PTPRD: variants seen among roughly 807,000 people sequenced by gnomAD.
PTPRD encodes protein tyrosine phosphatase receptor type D, also known as receptor-type tyrosine-protein phosphatase delta.
PTPRD carries 34 observed loss-of-function variants against 214.5 expected under a neutral mutation model. The ratio of observed to expected loss-of-function variants is 0.16; its 90% CI spans 0.12 to 0.21. The LOEUF (loss-of-function observed/expected upper bound fraction) is 0.21. Ranked by LOEUF, PTPRD falls within the 10% of genes least tolerant of loss-of-function variation. The pLI is 1.00. For missense variants in PTPRD, 2,545 were observed against 2,398.7 expected (o/e 1.06, Z -1.27); for synonymous variants, 1,128 against 845.7 (o/e 1.33, Z -5.79).
intron 9 of PTPRD, among the ~76,000 whole-genome samples, chr9:9,238,869 C>T (rs1044560870): frequency 1.3e-5 from 2 of 152,104 alleles, no homozygotes; most frequent in African/African-American, 4.8e-5. Flanking sequence ...TGATATTCAG[C>T]CCCTTATTTT....
intron 9 of PTPRD, among the ~76,000 whole-genome samples, chr9:9,329,426 G>C (rs890724817): frequency 3.3e-5 from 5 of 152,074 alleles, no homozygotes; most frequent in African/African-American, 9.7e-5. Flanking sequence ...TTTACTGTGA[G>C]ATAACAGTAG....
chr9:8,598,203 G>A (rs1468380167), intron 14 of PTPRD, among the ~76,000 whole-genome samples: 3 of 152,118 alleles, frequency 2.0e-5, no homozygotes, highest in African/African-American at 4.8e-5. Flanking sequence ...AATAGCCAGT[G>A]CACTCTGGGA....
intron 3 of PTPRD, among the ~76,000 whole-genome samples, chr9:10,340,392 T>A (rs1156816469): frequency 6.6e-6 from 1 of 151,908 alleles, no homozygotes; most frequent in Non-Finnish European, 1.5e-5. Context: ...CACCTTGAAC[T>A]ATGCACTGTA....
intron 3 of PTPRD, among the ~76,000 whole-genome samples, chr9:10,285,514 T>C (rs2095314583): frequency 6.6e-6 from 1 of 151,976 alleles, no homozygotes; most frequent in Admixed American, 6.6e-5. Context: ...ACACACAGCC[T>C]TTGAAGCAAG....
At chr9:9,984,638 G>A (rs1588155203) in intron 4 of PTPRD, among the ~76,000 whole-genome samples, 2 of 152,150 alleles carry the variant, frequency 1.3e-5, no homozygotes, top group African/African-American at 4.8e-5. Flanking sequence ...AGGTGCACAT[G>A]GGCATTTACA....
chr9:9,464,506 A>T (rs2093960794), intron 8 of PTPRD, among the ~76,000 whole-genome samples: 1 of 152,138 alleles, frequency 6.6e-6, no homozygotes. Context: ...CTGTGTTTAA[A>T]ATTAAGGCCT....
At chr9:10,034,407 C>CTT (rs56827836) in intron 3 of PTPRD, among the ~76,000 whole-genome samples, 3,100 of 89,122 alleles carry the variant, frequency 0.035, 105 homozygotes, top group Non-Finnish European at 0.042. Context: ...CCTGGCTCTA[C>CTT]TTTTTTTTTT....
At chr9:9,062,242 G>T (rs918362985) in intron 10 of PTPRD, among the ~76,000 whole-genome samples, 13 of 152,116 alleles carry the variant, frequency 8.5e-5, no homozygotes, top group Admixed American at 8.5e-4. Context: ...AGCACAGTTT[G>T]ACCTTCATTT....
chr9:9,798,204 C>G (rs1305147214), intron 5 of PTPRD, among the ~76,000 whole-genome samples: 4 of 151,862 alleles, frequency 2.6e-5, no homozygotes, highest in African/African-American at 7.3e-5. Context: ...GGGGAGGAAA[C>G]CTTTATTCAT....
At chr9:10,590,745 A>T (rs1000306613) in intron 2 of PTPRD, among the ~76,000 whole-genome samples, 1 of 151,830 alleles carries the variant, frequency 6.6e-6, no homozygotes, top group Non-Finnish European at 1.5e-5. Flanking sequence ...CTCCTCCTCT[A>T]TACAGGCACT....
intron 12 of PTPRD, among the ~76,000 whole-genome samples, chr9:8,675,654 T>A (rs1164472971): frequency 1.3e-5 from 2 of 149,096 alleles, no homozygotes; most frequent in Non-Finnish European, 3.0e-5. Context: ...TCCTTCAACA[T>A]CATCAAAACA....
At chr9:10,124,761 T>G (rs1239340981) in intron 3 of PTPRD, among the ~76,000 whole-genome samples, 1 of 152,246 alleles carries the variant, frequency 6.6e-6, no homozygotes, top group Non-Finnish European at 1.5e-5. Flanking sequence ...AGCACTCTGC[T>G]CTTAATGTAT....
intron 5 of PTPRD, among the ~76,000 whole-genome samples, chr9:9,875,630 T>C (rs886564123): frequency 6.6e-6 from 1 of 152,112 alleles, no homozygotes; most frequent in Non-Finnish European, 1.5e-5. Flanking sequence ...GTTAACAATG[T>C]CTTATCAGTT....
intron 14 of PTPRD, among the ~76,000 whole-genome samples, chr9:8,596,397 A>T (rs190835905): frequency 6.6e-6 from 1 of 152,162 alleles, no homozygotes; most frequent in African/African-American, 2.4e-5. Flanking sequence ...AAAAAAATAA[A>T]AAAGATGCTT....
rs778726159 is a variant in PTPRD, at chr9:8,389,275, C to T, written c.4343G>A (p.Ser1448Asn). ...TTTTGTCATCATGACAACTGTGGCACTCCGTTGTTCCCATATCATTCTCCA... is the reference window on the plus strand; with the variant it reads ...TTTTGTCATCATGACAACTGTGGCATTCCGTTGTTCCCATATCATTCTCCA... Reference protein sequence around the residue: ...DFWRMIWEQRSATVVMMTKLE... With the variant: ...DFWRMIWEQRNATVVMMTKLE... The change falls in exon 37 of 46, where the codon AGT (serine) becomes AAT (asparagine). Residue 1448 changes from serine (S) to asparagine (N), a missense_variant. Ser to Asn is a conservative substitution (Grantham distance 46). Coordinates refer to ENST00000381196, the MANE Select transcript of PTPRD (RefSeq NM_002839.4). The T allele has an allele frequency of 6.2e-7, 1 of 1,612,294 alleles. No homozygotes were observed. The highest frequency in any genetic ancestry group is 8.5e-7 in the Non-Finnish European group (1 of 1,179,064).
At chr9:9,129,365 G>A (rs764490408) in intron 10 of PTPRD, among the ~76,000 whole-genome samples, 63 of 152,278 alleles carry the variant, frequency 4.1e-4, no homozygotes, top group Non-Finnish European at 6.6e-4. Context: ...ACTCCAGCCT[G>A]GGCAACAGAG....
At chr9:10,148,800 A>G (rs1484590364) in intron 3 of PTPRD, among the ~76,000 whole-genome samples, 1 of 152,132 alleles carries the variant, frequency 6.6e-6, no homozygotes, top group Non-Finnish European at 1.5e-5. Flanking sequence ...TATACTTTAA[A>G]GCTCCCCAAG....
At chr9:8,751,332 G>T (rs1398888334) in intron 11 of PTPRD, among the ~76,000 whole-genome samples, 1 of 151,636 alleles carries the variant, frequency 6.6e-6, no homozygotes, top group East Asian at 1.9e-4. Context: ...ACAAAGAAAC[G>T]GTCAGCATTA....
At chr9:9,118,641 C>T (rs79424792) in intron 10 of PTPRD, among the ~76,000 whole-genome samples, 6,232 of 152,204 alleles carry the variant, frequency 0.041, 263 homozygotes, top group African/African-American at 0.099. Context: ...AAAGATGCAG[C>T]TTTCCTCTAT....
Sources: allele counts gnomAD v4.1 joint callset (sites outside exome capture counted in the v4.1 genomes callset), GRCh38; gene constraint gnomAD v4.1.1; transcripts MANE v1.5; gene names NCBI Gene and HGNC (gene_info 2026-07-23, HGNC 2026-07-21).